OR5AR1: variants seen among roughly 807,000 people sequenced by gnomAD.
OR5AR1 encodes the protein olfactory receptor 5AR1.
OR5AR1 carries 19 observed loss-of-function variants against 12.3 expected under a neutral mutation model. The ratio of observed to expected loss-of-function variants is 1.55; its 90% CI spans 1.08 to 2.27. OR5AR1 has a LOEUF of 2.27. Among genes scored for constraint, OR5AR1 ranks in the 30% most tolerant of loss-of-function variants. The pLI, the probability that OR5AR1 is intolerant of heterozygous loss-of-function variation, is 0.00. For synonymous variants in OR5AR1, 156 were observed against 138.8 expected (o/e 1.12, Z -0.87); for missense variants, 432 against 378.4 (o/e 1.14, Z -1.18).
At position 56,664,498 on chromosome 11, in the gene OR5AR1, C is replaced by T. The variant is rs1272236570; in HGVS notation, c.813C>T (p.Asp271=). Residue 271 remains aspartate (D), a synonymous_variant, in exon 1 of 1, where the codon GAC becomes GAT. Coordinates refer to ENST00000624596, the MANE Select transcript of OR5AR1 (RefSeq NM_001004730.1). The part of the protein sequence containing the change: ...RPTSSYSLDQ[D]KWASVFYTVI... ...CATCCAGCTACTCCCTGGACCAAGACAAGTGGGCCTCTGTGTTCTACACGG... is the reference window on the plus strand; with the variant it reads ...CATCCAGCTACTCCCTGGACCAAGATAAGTGGGCCTCTGTGTTCTACACGG... 8.7e-6 allele frequency: 14 copies of T among 1,613,810 alleles called. No individual in the cohort carries two copies. The highest frequency in any genetic ancestry group is 1.2e-5 in the Non-Finnish European group (14 of 1,179,888).
chr11:56,664,342 C>T lies in OR5AR1; in HGVS notation c.657C>T (p.Thr219=), dbSNP rs776050793. 2.2e-5 allele frequency: 35 copies of T among 1,613,988 alleles called. No homozygotes were observed. In the South Asian group the frequency reaches 3.2e-4, roughly 15 times the overall value. The change falls in exon 1 of 1, where the codon ACC becomes ACT. Residue 219 remains threonine, a synonymous_variant. Coordinates refer to ENST00000624596, the MANE Select transcript of OR5AR1 (RefSeq NM_001004730.1). ...TCCTCATCATCTTCATCTCCTATAC[C>T]TTTATCCTTGTTGCAATCATCAGAA... ...STILIIFISY[T]FILVAIIRMR...
At position 56,663,806 on chromosome 11, in the gene OR5AR1, G is replaced by T. The variant is rs370489579; in HGVS notation, c.121G>T (p.Gly41Trp). 6.2e-7 allele frequency: 1 copy of T among 1,613,600 alleles called. No individual in the cohort carries two copies. The highest frequency in any genetic ancestry group is 1.3e-5 in the African/African-American group (1 of 74,868). ...FLIVYLVNVV[G>W]NIGMIILITT... ...CATAGTTTACCTGGTTAATGTAGTG[G>T]GGAATATTGGTATGATTATCCTGAT... The change falls in exon 1 of 1, where the codon GGG (glycine) becomes TGG (tryptophan). Residue 41 changes from glycine to tryptophan, a missense_variant. Gly to Trp is a radical substitution (Grantham distance 184). Coordinates refer to ENST00000624596, the MANE Select transcript of OR5AR1 (RefSeq NM_001004730.1).
In OR5AR1 at chr11:56,664,004, T is replaced by G; in HGVS notation, c.319T>G (p.Phe107Val). The G allele has an allele frequency of 1.9e-6, 3 of 1,614,062 alleles. No homozygotes were observed. Among genetic ancestry groups the G allele is most frequent in the Non-Finnish European group, 2.5e-6 (3 of 1,180,012 alleles). ...CACCCAGTTTGCTTTTTTTGTAGGT[T>G]TTGTGGATGCTGAGTGCTATGTCCT... Reference protein sequence around the residue: ...CATQFAFFVGFVDAECYVLAA... With the variant: ...CATQFAFFVGVVDAECYVLAA... The change falls in exon 1 of 1, where the codon TTT becomes GTT. Residue 107 changes from phenylalanine (F) to valine (V), a missense_variant. Phe to Val is a conservative substitution (Grantham distance 50, BLOSUM62 -1). Coordinates refer to ENST00000624596, the MANE Select transcript of OR5AR1 (RefSeq NM_001004730.1).
At position 56,663,791 on chromosome 11, in the gene OR5AR1, C is replaced by T. The variant is rs1441027683; in HGVS notation, c.106C>T (p.Leu36=). 4 of 1,613,224 alleles carry T rather than the reference C, an allele frequency of 2.5e-6. No individual in the cohort carries two copies. Among genetic ancestry groups the T allele is most frequent in the Non-Finnish European group, 2.5e-6 (3 of 1,179,382 alleles). Residue 36 remains leucine, a synonymous_variant, in exon 1 of 1, where the codon CTG becomes TTG. Transcript: ENST00000624596. ...CTTCGTGGTCTTCCTCATAGTTTAC[C>T]TGGTTAATGTAGTGGGGAATATTGG... The part of the protein sequence containing the change: ...IFFVVFLIVY[L]VNVVGNIGMI...
In OR5AR1 at chr11:56,664,086, C is replaced by T. The variant is rs867025543; in HGVS notation, c.401C>T (p.Thr134Ile). The T allele has an allele frequency of 8.7e-6, 14 of 1,614,034 alleles. No individual in the cohort carries two copies. The highest frequency in any genetic ancestry group is 1.6e-4 in the Middle Eastern group (1 of 6,062). ...VAICRPLHYS[T>I]FMSKQVCLAL... ...ATTTGTCGACCCCTCCACTATAGCA[C>T]CTTCATGTCCAAGCAGGTCTGCTTG... Residue 134 changes from threonine (T) to isoleucine (I), a missense_variant, in exon 1 of 1, where the codon ACC (threonine) becomes ATC (isoleucine). Coordinates refer to ENST00000624596, the MANE Select transcript of OR5AR1 (RefSeq NM_001004730.1).
Position 56,663,807 on chromosome 11 carries a change from G to A in OR5AR1, c.122G>A (p.Gly41Glu). The A allele has an allele frequency of 6.2e-7, 1 of 1,613,692 alleles. No homozygotes were observed. ...FLIVYLVNVVGNIGMIILITT... is the reference protein window; with the variant it reads ...FLIVYLVNVVENIGMIILITT... ...ATAGTTTACCTGGTTAATGTAGTGG[G>A]GAATATTGGTATGATTATCCTGATT... The change falls in exon 1 of 1, where the codon GGG (glycine) becomes GAG (glutamate). Residue 41 changes from glycine (G) to glutamate (E), a missense_variant. Coordinates refer to ENST00000624596, the MANE Select transcript of OR5AR1 (RefSeq NM_001004730.1).
In OR5AR1 at chr11:56,663,840, A is replaced by C. The variant is rs375825619; in HGVS notation, c.155A>C (p.Asp52Ala). 1 of 1,613,924 alleles carries C rather than the reference A, an allele frequency of 6.2e-7. No homozygotes were observed. The highest frequency in any genetic ancestry group is 8.5e-7 in the Non-Finnish European group (1 of 1,179,964). Residue 52 changes from aspartate (D) to alanine (A), a missense_variant, in exon 1 of 1, where the codon GAC becomes GCC. Asp to Ala is a moderately radical substitution (Grantham distance 126, BLOSUM62 -2). Transcript: ENST00000624596. ...GGTATGATTATCCTGATTACAACAG[A>C]CACTCAGCTTCACACACCCATGTAT... ...NIGMIILITTDTQLHTPMYFF... is the reference protein window; with the variant it reads ...NIGMIILITTATQLHTPMYFF...
In OR5AR1 at chr11:56,664,536, T is replaced by C. The variant is rs751330895; in HGVS notation, c.851T>C (p.Met284Thr). The C allele has an allele frequency of 5.0e-6, 8 of 1,614,016 alleles. No individual in the cohort carries two copies. Among genetic ancestry groups the C allele is most frequent in the South Asian group, 3.3e-5 (3 of 91,082 alleles). The change falls in exon 1 of 1, where the codon ATG (methionine) becomes ACG (threonine). Residue 284 changes from methionine (M) to threonine (T), a missense_variant. Met to Thr is a moderately conservative substitution (Grantham distance 81). Coordinates refer to ENST00000624596, the MANE Select transcript of OR5AR1 (RefSeq NM_001004730.1). ...ASVFYTVIIP[M>T]LNPLIYSLRN... ...GTGTTCTACACGGTTATCATCCCCATGTTAAATCCCTTGATCTACAGTTTG... is the reference window on the plus strand; with the variant it reads ...GTGTTCTACACGGTTATCATCCCCACGTTAAATCCCTTGATCTACAGTTTG...
Position 56,664,294 on chromosome 11 carries a change from T to C in OR5AR1, c.609T>C (p.Cys203=). ...GTGAGATCTTGCTCTTCAGTCTGTG[T>C]GGCTTCATTGAATTCAGCACCATCC... is the stretch of plus-strand genomic sequence containing the variant. ...YISEILLFSL[C]GFIEFSTILI... The change falls in exon 1 of 1, where the codon TGT becomes TGC. Residue 203 remains cysteine, a synonymous_variant. Coordinates refer to ENST00000624596, the MANE Select transcript of OR5AR1 (RefSeq NM_001004730.1). 1 of 1,614,166 alleles carries C rather than the reference T, an allele frequency of 6.2e-7. No individual in the cohort carries two copies. The highest frequency in any genetic ancestry group is 8.5e-7 in the Non-Finnish European group (1 of 1,180,014).
In OR5AR1 at chr11:56,664,002, G is replaced by T. The variant is rs1340121814; in HGVS notation, c.317G>T (p.Gly106Val). 6.2e-7 allele frequency: 1 copy of T among 1,613,930 alleles called. No individual in the cohort carries two copies. The highest frequency in any genetic ancestry group is 8.5e-7 in the Non-Finnish European group (1 of 1,179,984). ...GCCACCCAGTTTGCTTTTTTTGTAG[G>T]TTTTGTGGATGCTGAGTGCTATGTC... ...SCATQFAFFV[G>V]FVDAECYVLA... Residue 106 changes from glycine (G) to valine (V), a missense_variant, in exon 1 of 1, where the codon GGT (glycine) becomes GTT (valine). By Grantham distance (109) the Gly-to-Val change is moderately radical. Transcript: ENST00000624596.
chr11:56,664,219 C>G lies in OR5AR1; in HGVS notation c.534C>G (p.Phe178Leu). The change falls in exon 1 of 1, where the codon TTC becomes TTG. Residue 178 changes from phenylalanine (F) to leucine (L), a missense_variant. Phe to Leu is a conservative substitution (Grantham distance 22, BLOSUM62 0). Coordinates refer to ENST00000624596, the MANE Select transcript of OR5AR1 (RefSeq NM_001004730.1). ...YCGSNIINHFFCEIPPLLALS... is the reference protein window; with the variant it reads ...YCGSNIINHFLCEIPPLLALS... ...GTTCCAATATCATCAATCATTTCTT[C>G]TGCGAAATCCCACCACTCTTGGCCC... 2 of 1,614,154 alleles carry G rather than the reference C, an allele frequency of 1.2e-6. No individual in the cohort carries two copies. The highest frequency in any genetic ancestry group is 1.7e-6 in the Non-Finnish European group (2 of 1,180,028).
In OR5AR1 at chr11:56,664,432, C is replaced by T. The variant is rs117525928; in HGVS notation, c.747C>T (p.Thr249=). The T allele has an allele frequency of 3.8e-4, 613 of 1,614,080 alleles. 1 individual carries two copies. The East Asian group carries it at 0.011, about 30-fold the overall frequency. The part of the protein sequence containing the change: ...STCGSHLTGI[T]LFYGTVMFMY... Reference sequence around the variant, plus strand: ...GCGGGTCTCACCTTACTGGCATCACCCTCTTCTATGGCACAGTCATGTTTA... The same window carrying T: ...GCGGGTCTCACCTTACTGGCATCACTCTCTTCTATGGCACAGTCATGTTTA... Residue 249 remains threonine, a synonymous_variant, in exon 1 of 1, where the codon ACC becomes ACT. Coordinates refer to ENST00000624596, the MANE Select transcript of OR5AR1 (RefSeq NM_001004730.1).
Position 56,664,095 on chromosome 11 carries a change from C to A in OR5AR1, c.410C>A (p.Ser137Tyr). 6.2e-7 allele frequency: 1 copy of A among 1,613,990 alleles called. No individual in the cohort carries two copies. The highest frequency in any genetic ancestry group is 8.5e-7 in the Non-Finnish European group (1 of 1,179,996). ...CRPLHYSTFM[S>Y]KQVCLALMLG... The stretch of plus-strand genomic sequence containing the variant: ...CCCCTCCACTATAGCACCTTCATGT[C>A]CAAGCAGGTCTGCTTGGCTCTCATG... Residue 137 changes from serine to tyrosine, a missense_variant, in exon 1 of 1, where the codon TCC becomes TAC. By Grantham distance (144) the Ser-to-Tyr change is moderately radical (BLOSUM62 -2). Transcript: ENST00000624596.
At position 56,663,937 on chromosome 11, in the gene OR5AR1, C is replaced by T. The variant is rs575960385; in HGVS notation, c.252C>T (p.Asp84=). ...SSAIAPRMLA[D]FLTNHKVISF... is the part of the protein sequence containing the mutation. ...CCATTGCCCCCAGGATGCTGGCTGA[C>T]TTCCTAACAAATCACAAAGTTATCT... The change falls in exon 1 of 1, where the codon GAC becomes GAT. Residue 84 remains aspartate, a synonymous_variant. Coordinates refer to ENST00000624596, the MANE Select transcript of OR5AR1 (RefSeq NM_001004730.1). 2.5e-6 allele frequency: 4 copies of T among 1,614,148 alleles called. No homozygotes were observed. In the African/African-American group the frequency reaches 5.3e-5, roughly 22 times the overall value.
rs763066691 is a variant in OR5AR1 at position 56,663,746 on chromosome 11, C to G, written c.61C>G (p.Pro21Ala). Residue 21 changes from proline (P) to alanine (A), a missense_variant, in exon 1 of 1, where the codon CCT becomes GCT. Coordinates refer to ENST00000624596, the MANE Select transcript of OR5AR1 (RefSeq NM_001004730.1). ...TATCTTCATGGGCATCACCCAGGAC[C>G]CTCAGATGGAGATCATCTTCTTCGT... ...EFIFMGITQDPQMEIIFFVVF... is the reference protein window; with the variant it reads ...EFIFMGITQDAQMEIIFFVVF... 6.2e-7 allele frequency: 1 copy of G among 1,613,514 alleles called. No individual in the cohort carries two copies. Among genetic ancestry groups the G allele is most frequent in the South Asian group, 1.1e-5 (1 of 91,050 alleles).
rs368849158 is a variant in OR5AR1 at position 56,664,395 on chromosome 11, C to G, written c.710C>G (p.Ala237Gly). ...CGTTCAGCTGAAGGCCGCCTTAAGG[C>G]TTTCTCCACCTGCGGGTCTCACCTT... is the stretch of plus-strand genomic sequence containing the variant. The part of the protein sequence containing the change: ...RMRSAEGRLK[A>G]FSTCGSHLTG... Residue 237 changes from alanine to glycine, a missense_variant, in exon 1 of 1, where the codon GCT becomes GGT. Ala to Gly is a moderately conservative substitution (Grantham distance 60, BLOSUM62 0). Coordinates refer to ENST00000624596, the MANE Select transcript of OR5AR1 (RefSeq NM_001004730.1). 1.8e-5 allele frequency: 29 copies of G among 1,614,068 alleles called. No individual in the cohort carries two copies. The African/African-American group carries it at 2.9e-4, about 16-fold the overall frequency.
Position 56,664,360 on chromosome 11 carries a change from C to A in OR5AR1, c.675C>A (p.Ile225=), listed in dbSNP as rs1857218633. The change falls in exon 1 of 1, where the codon ATC becomes ATA. Residue 225 remains isoleucine (I), a synonymous_variant. Transcript: ENST00000624596. ...CCTATACCTTTATCCTTGTTGCAAT[C>A]ATCAGAATGCGTTCAGCTGAAGGCC... ...FISYTFILVA[I]IRMRSAEGRL... is the part of the protein sequence containing the mutation. 3 of 1,613,944 alleles carry A rather than the reference C, an allele frequency of 1.9e-6. No individual in the cohort carries two copies. The highest frequency in any genetic ancestry group is 2.5e-6 in the Non-Finnish European group (3 of 1,180,030).
At position 56,664,159 on chromosome 11, in the gene OR5AR1, C is replaced by G; in HGVS notation, c.474C>G (p.Ala158=). 1 of 1,613,832 alleles carries G rather than the reference C, an allele frequency of 6.2e-7. No homozygotes were observed. The highest frequency in any genetic ancestry group is 8.5e-7 in the Non-Finnish European group (1 of 1,179,902). The change falls in exon 1 of 1, where the codon GCC becomes GCG. Residue 158 remains alanine (A), a synonymous_variant. Transcript: ENST00000624596. ...TGGCTGGTCTAGTGAGTTTAGTAGC[C>G]CACACTACCCTCACCTTCAGCCTGA... is the stretch of plus-strand genomic sequence containing the variant. ...SYLAGLVSLV[A]HTTLTFSLSY...
chr11:56,663,968 TC>T lies in OR5AR1; in HGVS notation c.285del (p.Ser96AlafsTer10). The T allele has an allele frequency of 1.2e-6, 2 of 1,614,104 alleles. No homozygotes were observed. The highest frequency in any genetic ancestry group is 1.7e-6 in the Non-Finnish European group (2 of 1,180,022). Reference sequence around the variant, plus strand: ...AACAAATCACAAAGTTATCTCCTTCTCCAGCTGTGCCACCCAGTTTGCTTTT... The same window carrying T: ...AACAAATCACAAAGTTATCTCCTTCTCAGCTGTGCCACCCAGTTTGCTTTT... The part of the protein sequence containing the change: ...FLTNHKVISF[S>X]SCATQFAFFV... On this transcript the variant is annotated frameshift_variant, in exon 1 of 1. Coordinates refer to ENST00000624596, the MANE Select transcript of OR5AR1 (RefSeq NM_001004730.1). LOFTEE classifies it high-confidence loss of function.
Sources: allele counts gnomAD v4.1 joint callset, GRCh38; gene constraint gnomAD v4.1.1; transcripts MANE v1.5; gene names NCBI Gene and HGNC (gene_info 2026-07-23, HGNC 2026-07-21).